UNC80: variants seen among roughly 807,000 people sequenced by gnomAD.
UNC80 encodes the protein protein unc-80 homolog.
In UNC80, 164 loss-of-function variants were observed where a neutral mutation model predicts 384.6. That is an observed-to-expected ratio of 0.43 (90% CI 0.38 to 0.49). UNC80 has a LOEUF of 0.49. Among genes scored for constraint, UNC80 ranks in the 20% least tolerant of loss-of-function variants. UNC80 has a pLI of 0.00. For synonymous variants in UNC80, 1,486 were observed against 1,527.8 expected (o/e 0.97, Z 0.64); for missense variants, 3,330 against 4,143.0 (o/e 0.80, Z 5.39).
chr2:209,864,182 C>A (rs1348847389), intron 22 of UNC80, among the ~76,000 whole-genome samples: 3 of 152,052 alleles, frequency 2.0e-5, no homozygotes, highest in African/African-American at 7.2e-5. Flanking sequence ...CTGGAGATGT[C>A]ACTCAAGGAG....
chr2:209,932,278 G>A (rs972577809), intron 38 of UNC80, among the ~76,000 whole-genome samples: 3 of 152,182 alleles, frequency 2.0e-5, no homozygotes, highest in African/African-American at 4.8e-5. Flanking sequence ...AGTGACAACA[G>A]CCTATGGCCG....
chr2:209,872,635 C>A lies in UNC80; in HGVS notation c.3628-123C>A. 1.1e-6 allele frequency: 1 copy of A among 934,054 alleles called. No homozygotes were observed. Among genetic ancestry groups the A allele is most frequent in the South Asian group, 1.6e-5 (1 of 62,164 alleles). 57.9% of individuals were successfully genotyped at this position (934,054 alleles called of 1,614,324 possible). On this transcript the variant is annotated intron_variant, in intron 22 of 64. Transcript: ENST00000673920. This position sits in a 1 kb window ranked among gnomAD's most constrained non-coding sequence, Gnocchi z 4.1. ...ACTGACACCACCCTGGGAAATATGGCCAATATAAATCAAAACATGAAGAGG... is the reference window on the plus strand; with the variant it reads ...ACTGACACCACCCTGGGAAATATGGACAATATAAATCAAAACATGAAGAGG...
At position 209,913,879 on chromosome 2, in the gene UNC80, C is replaced by T; in HGVS notation, c.4968C>T (p.Asp1656=). ...APILTEEMYG[D]IQPAAWELLL... The stretch of plus-strand genomic sequence containing the variant: ...TTCTGACAGAGGAGATGTACGGAGA[C>T]ATCCAGCCAGCTGCCTGGGAGCTCC... Residue 1656 remains aspartate (D), a synonymous_variant, in exon 31 of 65, where the codon GAC becomes GAT. Transcript: ENST00000673920. 1 of 1,551,522 alleles carries T rather than the reference C, an allele frequency of 6.4e-7. No individual in the cohort carries two copies. The highest frequency in any genetic ancestry group is 8.7e-7 in the Non-Finnish European group (1 of 1,146,802).
At chr2:209,808,387 A>C (rs1263625744) in intron 7 of UNC80, among the ~76,000 whole-genome samples, 1 of 151,998 alleles carries the variant, frequency 6.6e-6, no homozygotes, top group East Asian at 1.9e-4. Flanking sequence ...ACATGGAGAA[A>C]CCTCCTCTCT....
At chr2:209,820,816 T>C (rs1217130163) in intron 13 of UNC80, 137 bp downstream of exon 13, 10 of 932,010 alleles carry the variant, frequency 1.1e-5, no homozygotes, top group African/African-American at 1.7e-5. Flanking sequence ...AGAAATCTCT[T>C]CATTAGGTTC....
intron 22 of UNC80, among the ~76,000 whole-genome samples, chr2:209,862,796 T>C (rs1489182616): frequency 2.0e-5 from 3 of 152,112 alleles, no homozygotes; most frequent in African/African-American, 7.2e-5. Context: ...AATTTGCCAG[T>C]CTGTGTTTTT....
chr2:209,858,589 G>A (rs2083109444), intron 22 of UNC80, among the ~76,000 whole-genome samples: 1 of 151,514 alleles, frequency 6.6e-6, no homozygotes, highest in Admixed American at 6.6e-5. Flanking sequence ...AGCTTCTTGG[G>A]AGGCAGAGGC....
At chr2:209,919,699 A>T (rs1400467761) in intron 33 of UNC80, among the ~76,000 whole-genome samples, 2 of 152,144 alleles carry the variant, frequency 1.3e-5, no homozygotes, top group African/African-American at 4.8e-5. Flanking sequence ...CAATATACCT[A>T]TTTTATTTTA....
intron 21 of UNC80, among the ~76,000 whole-genome samples, chr2:209,842,651 A>G (rs2081851808): frequency 6.6e-6 from 1 of 152,168 alleles, no homozygotes; most frequent in Non-Finnish European, 1.5e-5. Flanking sequence ...TCCTCACTCC[A>G]TGATGGGCAC....
At chr2:209,914,066 C>G (rs2089251233) in intron 31 of UNC80, 126 bp downstream of exon 31, 2 of 1,166,082 alleles carry the variant, frequency 1.7e-6, no homozygotes, top group Non-Finnish European at 2.4e-6. Flanking sequence ...ATTGCTATAA[C>G]TGTAGACTCT....
At chr2:209,955,955 G>A (rs2092399940) in intron 48 of UNC80, among the ~76,000 whole-genome samples, 1 of 151,508 alleles carries the variant, frequency 6.6e-6, no homozygotes, top group Admixed American at 6.6e-5. Context: ...TGTTGGCCAG[G>A]CTGGTCTCGA....
intron 7 of UNC80, among the ~76,000 whole-genome samples, chr2:209,797,659 T>A (rs1165244591): frequency 6.6e-6 from 1 of 151,990 alleles, no homozygotes; most frequent in African/African-American, 2.4e-5. Flanking sequence ...TTTATGTTCC[T>A]CTGGGTATAT....
chr2:209,816,953 A>G lies in UNC80; in HGVS notation c.1380A>G (p.Pro460=). 1.3e-6 allele frequency: 2 copies of G among 1,551,680 alleles called. No homozygotes were observed. The change falls in exon 10 of 65, where the codon CCA becomes CCG. Residue 460 remains proline (P), a synonymous_variant. Coordinates refer to ENST00000673920, the MANE Select transcript of UNC80 (RefSeq NM_001371986.1). Reference sequence around the variant, plus strand: ...ACCGAGAGAGGAAAGGCTCCATTCCATTCCACCACACAGGCAAGAGGAGGC... The same window carrying G: ...ACCGAGAGAGGAAAGGCTCCATTCCGTTCCACCACACAGGCAAGAGGAGGC... ...KEDRERKGSI[P]FHHTGKRRPR...
rs2125017721 is a variant in UNC80, at chr2:209,977,084, T to C, written c.8938+6T>C. 1.3e-6 allele frequency: 2 copies of C among 1,490,922 alleles called. No individual in the cohort carries two copies. The highest frequency in any genetic ancestry group is 5.0e-5 in the East Asian group (2 of 39,834). The allele number at this position is 1,490,922 out of a possible 1,614,324, so 92.4% of individuals were successfully genotyped here. A position where few individuals can be genotyped will look rare whatever the true frequency, so the allele number is the denominator to read the frequency against. On this transcript the variant is annotated splice_donor_region_variant and intron_variant, in intron 58 of 64. Coordinates refer to ENST00000673920, the MANE Select transcript of UNC80 (RefSeq NM_001371986.1). ...GGCAGTTCATAGTGGATCAGGTGAG[T>C]GTGCATGAGAGTGTTGTGAATTTGT...
intron 22 of UNC80, among the ~76,000 whole-genome samples, chr2:209,866,527 C>CAGAG (rs1553556925): frequency 6.6e-5 from 6 of 90,948 alleles, no homozygotes; most frequent in Non-Finnish European, 1.2e-4. Flanking sequence ...CACACACACA[C>CAGAG]ACACACAGAG....
At chr2:209,847,360 C>CA (rs34292631) in intron 21 of UNC80, among the ~76,000 whole-genome samples, 73,394 of 151,542 alleles carry the variant, frequency 0.48, 18,067 homozygotes, top group South Asian at 0.67. Context: ...AAAATAGTAC[C>CA]AAAATATATC....
chr2:209,886,351 G>A (rs747702653), intron 25 of UNC80, among the ~76,000 whole-genome samples: 1 of 151,844 alleles, frequency 6.6e-6, no homozygotes, highest in Non-Finnish European at 1.5e-5. Context: ...GCTGAGGTGG[G>A]AGGATCACTT....
Position 209,918,588 on chromosome 2 carries a change from C to A in UNC80, c.5268C>A (p.Ser1756=), listed in dbSNP as rs367749831. 1.3e-6 allele frequency: 2 copies of A among 1,551,978 alleles called. No individual in the cohort carries two copies. Among genetic ancestry groups the A allele is most frequent in the African/African-American group, 2.7e-5 (2 of 73,020 alleles). The part of the protein sequence containing the change: ...TLPSPVLGMP[S]VPMFDPPWVP... ...CCTCGCCGGTGCTTGGAATGCCATC[C>A]GTCCCAATGTTTGACCCACCGTGGG... The change falls in exon 33 of 65, where the codon TCC becomes TCA. Residue 1756 remains serine (S), a synonymous_variant. Coordinates refer to ENST00000673920, the MANE Select transcript of UNC80 (RefSeq NM_001371986.1).
At chr2:209,850,703 C>T (rs1376051826) in intron 22 of UNC80, among the ~76,000 whole-genome samples, 3 of 152,022 alleles carry the variant, frequency 2.0e-5, no homozygotes, top group African/African-American at 7.2e-5. Flanking sequence ...TGGGTAGTGA[C>T]CTTTGAGAAT....
Sources: gnomAD v4.1 joint callset for allele counts (sites outside exome capture counted in the v4.1 genomes callset) on GRCh38, gnomAD v4.1.1 for gene constraint, Gnocchi (gnomAD v3.1) non-coding constraint, MANE v1.5 for transcripts, NCBI Gene and HGNC (gene_info 2026-07-23, HGNC 2026-07-21) for gene names.